Variants in ISM1 observed in about 807,000 individuals in gnomAD.
ISM1 encodes isthmin 1.
In ISM1, 25 loss-of-function variants were observed where a neutral mutation model predicts 46.3. That is an observed-to-expected ratio of 0.54 (90% confidence interval 0.39 to 0.75). The LOEUF is 0.75. Among genes scored for constraint, ISM1 ranks in the 30% least tolerant of loss-of-function variants. The pLI, the probability that ISM1 is intolerant of heterozygous loss-of-function variation, is 0.00. For missense variants in ISM1, 536 were observed against 625.4 expected (o/e 0.86, Z 1.52); for synonymous variants, 255 against 256.7 (o/e 0.99, Z 0.06).
At chr20:13,307,061 C>A in the ISM1 span, among the ~76,000 whole-genome samples, 9 of 152,262 alleles carry the variant, frequency 5.9e-5, no homozygotes, top group African/African-American at 1.9e-4. Flanking sequence ...TGATCCAGTG[C>A]CAGAAAGATA....
intron 3 of ISM1, among the ~76,000 whole-genome samples, chr20:13,284,702 G>A (rs1464237662): frequency 6.6e-6 from 1 of 152,178 alleles, no homozygotes; most frequent in African/African-American, 2.4e-5. Context: ...AAGCTTCAGG[G>A]GAGTGAGCTC....
chr20:13,321,357 T>A, the ISM1 span, among the ~76,000 whole-genome samples: 996 of 150,964 alleles, frequency 6.6e-3, 12 homozygotes, highest in African/African-American at 0.023. Context: ...TGAATACTGA[T>A]GACAATTGTC....
At chr20:13,276,015 G>C (rs2040175312) in intron 2 of ISM1, among the ~76,000 whole-genome samples, 1 of 152,200 alleles carries the variant, frequency 6.6e-6, no homozygotes, top group Non-Finnish European at 1.5e-5. Context: ...CTTGTTCTTA[G>C]AGCATCAGCA....
intron 1 of ISM1, among the ~76,000 whole-genome samples, chr20:13,253,053 G>T (rs554251085): frequency 6.6e-6 from 1 of 152,278 alleles, no homozygotes; most frequent in Non-Finnish European, 1.5e-5. Flanking sequence ...CTTAATTAGA[G>T]ACAGACACAC....
Position 13,221,657 on chromosome 20 carries a change from G to A in ISM1, c.-120G>A. ...CGCGGGCCCGGGAAGCGGAGCCCTG[G>A]CGGGAGCCGAGGCGGGAGCCGCGCT... On this transcript the variant is annotated 5_prime_UTR_variant, in exon 1 of 6. Coordinates refer to ENST00000262487, the MANE Select transcript of ISM1 (RefSeq NM_080826.2). 1 of 854,692 alleles carries A rather than the reference G, an allele frequency of 1.2e-6. No individual in the cohort carries two copies. The highest frequency in any genetic ancestry group is 1.5e-6 in the Non-Finnish European group (1 of 661,092). 52.9% of individuals were successfully genotyped at this position (854,692 alleles called of 1,614,324 possible). A position where few individuals can be genotyped will look rare whatever the true frequency, so the allele number is the denominator to read the frequency against.
intron 1 of ISM1, among the ~76,000 whole-genome samples, chr20:13,228,075 C>A (rs554747181): frequency 1.3e-5 from 2 of 149,648 alleles, no homozygotes; most frequent in East Asian, 4.1e-4. Flanking sequence ...CGGGTTCAAG[C>A]GATTCTCGTG....
intron 1 of ISM1, among the ~76,000 whole-genome samples, chr20:13,228,251 G>C (rs1487780099): frequency 2.6e-5 from 4 of 151,944 alleles, no homozygotes. Context: ...GGGATTACAG[G>C]TGTGAGCCAC....
the ISM1 span, among the ~76,000 whole-genome samples, chr20:13,310,803 T>C: frequency 6.6e-6 from 1 of 152,202 alleles, no homozygotes; most frequent in Non-Finnish European, 1.5e-5. Flanking sequence ...GGCCAATGGA[T>C]ATATGTAAAG....
chr20:13,246,585 G>A (rs1037908899), intron 1 of ISM1, among the ~76,000 whole-genome samples: 1 of 152,030 alleles, frequency 6.6e-6, no homozygotes, highest in African/African-American at 2.4e-5. Flanking sequence ...CCACATTTAA[G>A]GAGGCAGAGC....
chr20:13,326,644 T>A, the ISM1 span, among the ~76,000 whole-genome samples: 3 of 152,192 alleles, frequency 2.0e-5, no homozygotes, highest in Admixed American at 2.0e-4. Context: ...TTTCTTTGCC[T>A]TTCATAAATC....
At chr20:13,229,466 T>A (rs1261204068) in intron 1 of ISM1, among the ~76,000 whole-genome samples, 1 of 152,236 alleles carries the variant, frequency 6.6e-6, no homozygotes, top group Admixed American at 6.5e-5. Context: ...TTAAACTAAG[T>A]TTTTGAGATT....
chr20:13,294,166 G>A (rs2040384183), intron 5 of ISM1, among the ~76,000 whole-genome samples: 1 of 152,086 alleles, frequency 6.6e-6, no homozygotes, highest in Non-Finnish European at 1.5e-5. Context: ...CTGAAATCTT[G>A]ATTTTGCCAG....
chr20:13,323,399 G>A, the ISM1 span, among the ~76,000 whole-genome samples: 2,407 of 152,298 alleles, frequency 0.016, 60 homozygotes, highest in African/African-American at 0.055. Flanking sequence ...CTTCCTGGAT[G>A]AAAGACTATT....
intron 3 of ISM1, among the ~76,000 whole-genome samples, chr20:13,281,866 A>G (rs897803556): frequency 6.6e-6 from 1 of 152,228 alleles, no homozygotes; most frequent in African/African-American, 2.4e-5. Context: ...ACCTGGCATC[A>G]GAATCATTCA....
At chr20:13,274,574 C>A (rs1008636680) in intron 2 of ISM1, among the ~76,000 whole-genome samples, 6 of 152,180 alleles carry the variant, frequency 3.9e-5, no homozygotes, top group Admixed American at 3.9e-4. Flanking sequence ...GGAAGTGTTT[C>A]CCACGCTCCA....
At chr20:13,249,539 A>G (rs2039841329) in intron 1 of ISM1, among the ~76,000 whole-genome samples, 1 of 152,202 alleles carries the variant, frequency 6.6e-6, no homozygotes, top group Admixed American at 6.5e-5. Context: ...CAACCAAATT[A>G]TACACCTCGG....
At chr20:13,293,092 C>T (rs893364285) in intron 5 of ISM1, among the ~76,000 whole-genome samples, 4 of 151,078 alleles carry the variant, frequency 2.6e-5, no homozygotes, top group Non-Finnish European at 4.4e-5. Flanking sequence ...CCCAGCTACT[C>T]GGGAGGCTGA....
At position 13,279,821 on chromosome 20, in the gene ISM1, T is replaced by G; in HGVS notation, c.566T>G (p.Phe189Cys). ...KYDSTSDDSN[F>C]LNPPRGWDHT... ...GACAGTACCTCAGACGACAGCAACT[T>G]CCTCAACCCCCCCAGGGGGTGGGAC... Residue 189 changes from phenylalanine to cysteine, a missense_variant, in exon 3 of 6, where the codon TTC (phenylalanine) becomes TGC (cysteine). By Grantham distance (205) the Phe-to-Cys change is radical. Coordinates refer to ENST00000262487, the MANE Select transcript of ISM1 (RefSeq NM_080826.2). 1.9e-6 allele frequency: 3 copies of G among 1,613,900 alleles called. No individual in the cohort carries two copies. The highest frequency in any genetic ancestry group is 2.5e-6 in the Non-Finnish European group (3 of 1,179,852).
At chr20:13,278,347 G>C (rs917816929) in intron 2 of ISM1, among the ~76,000 whole-genome samples, 2 of 152,194 alleles carry the variant, frequency 1.3e-5, no homozygotes, top group Admixed American at 6.5e-5. Context: ...TGAGGAGTGT[G>C]AAGGCTAGGA....
Sources: gnomAD v4.1 joint callset for allele counts (sites outside exome capture counted in the v4.1 genomes callset) on GRCh38, gnomAD v4.1.1 for gene constraint, MANE v1.5 for transcripts, NCBI Gene and HGNC (gene_info 2026-07-23, HGNC 2026-07-21) for gene names.